Variants in EPM2A observed in about 807,000 individuals in gnomAD.
EPM2A encodes laforin.
In EPM2A, 21 loss-of-function variants were observed where a neutral mutation model predicts 26.5. The observed-to-expected ratio is 0.79, with a 90% confidence interval of 0.56 to 1.14. The LOEUF is 1.14. EPM2A is among the 50% of genes most tolerant of loss of function. EPM2A has a pLI of 0.00. For synonymous variants in EPM2A, 217 were observed against 177.6 expected, an observed-to-expected ratio of 1.22 and a Z score of -1.76; for missense variants, 458 against 440.8, an observed-to-expected ratio of 1.04 and a Z score of -0.35.
chr6:145,458,918 C>T (rs1362785219), intron 4 of EPM2A, among the ~76,000 whole-genome samples: 2 of 152,060 alleles, frequency 1.3e-5, no homozygotes, highest in Non-Finnish European at 2.9e-5. Context: ...TTGCAAAAAC[C>T]ATCAAAGTTC....
intron 3 of EPM2A, chr6:145,628,042 C>A: frequency 1.1e-5 from 3 of 268,984 alleles, no homozygotes; most frequent in Admixed American, 4.9e-5. Flanking sequence ...AGAGATTGGT[C>A]AGAATTTTAG....
At chr6:145,732,582 T>C (rs1165472605) in intron 1 of EPM2A, among the ~76,000 whole-genome samples, 1 of 152,130 alleles carries the variant, frequency 6.6e-6, no homozygotes, top group Non-Finnish European at 1.5e-5. Flanking sequence ...TTAACTCTTC[T>C]GTTAAAAAAA....
intron 1 of EPM2A, among the ~76,000 whole-genome samples, chr6:145,687,825 T>C (rs888133869): frequency 6.6e-6 from 1 of 152,126 alleles, no homozygotes; most frequent in African/African-American, 2.4e-5. Context: ...AGTCTCCTCT[T>C]TTTTCTCTTA....
chr6:145,536,494 A>G (rs1780434099), intron 2 of EPM2A, among the ~76,000 whole-genome samples: 1 of 152,120 alleles, frequency 6.6e-6, no homozygotes, highest in Admixed American at 6.5e-5. Flanking sequence ...ACGGGGTCTC[A>G]CCATGCTGGT....
chr6:145,415,673 A>G (rs1459400998), intron 4 of EPM2A, among the ~76,000 whole-genome samples: 1 of 152,204 alleles, frequency 6.6e-6, no homozygotes, highest in African/African-American at 2.4e-5. Context: ...CATTTGTGTT[A>G]CACTTTACAA....
chr6:145,682,404 C>T (rs372910075), intron 2 of EPM2A: 1 of 152,162 alleles, frequency 6.6e-6, no homozygotes, highest in African/African-American at 2.4e-5. Context: ...CGCTATTCTT[C>T]TTACCTTGAA....
chr6:145,448,280 C>T (rs959613711), intron 4 of EPM2A, among the ~76,000 whole-genome samples: 1 of 152,042 alleles, frequency 6.6e-6, no homozygotes, highest in African/African-American at 2.4e-5. Flanking sequence ...GCTCAATACT[C>T]GTGTCTTTAG....
downstream of EPM2A, among the ~76,000 whole-genome samples, chr6:145,623,406 G>T (rs1010216946): frequency 4.6e-5 from 7 of 152,160 alleles, no homozygotes; most frequent in African/African-American, 1.7e-4. Flanking sequence ...GTGCATACCT[G>T]GAGTAGCAGC....
chr6:145,587,185 TATAAC>T (rs1582877502), intron 2 of EPM2A, among the ~76,000 whole-genome samples: 1 of 152,194 alleles, frequency 6.6e-6, no homozygotes, highest in East Asian at 1.9e-4. Context: ...AATAACATAA[TATAAC>T]AGAACATAAA....
chr6:145,620,952 G>T (rs907843749), downstream of EPM2A, among the ~76,000 whole-genome samples: 1 of 152,120 alleles, frequency 6.6e-6, no homozygotes, highest in African/African-American at 2.4e-5. Flanking sequence ...TTATGGTGAG[G>T]ACACTTGTGA....
In EPM2A at chr6:145,686,196, C is replaced by T. The variant is rs35230590; in HGVS notation, c.402G>A (p.Gly134=). ...LPIGHWIEAT[G]HTNEMKHTTD... ...TTGTGTGCTTCATTTCATTGGTGTG[C>T]CCAGTGGCCTCAATCCAGTGTCCTA... The change falls in exon 2 of 4, where the codon GGG becomes GGA. Residue 134 remains glycine (G), a synonymous_variant. Transcript: ENST00000367519. 0.23 allele frequency: 363,659 copies of T among 1,612,596 alleles called. 44,761 individuals are homozygous for T. Among genetic ancestry groups the T allele is most frequent in the Admixed American group, 0.33 (20,066 of 59,936 alleles).
intron 2 of EPM2A, among the ~76,000 whole-genome samples, chr6:145,547,785 G>T (rs1449368237): frequency 6.6e-6 from 1 of 152,066 alleles, no homozygotes; most frequent in Non-Finnish European, 1.5e-5. Flanking sequence ...ACAACAAGAG[G>T]ACTCAGACCC....
At chr6:145,566,661 T>G (rs1019150264) in intron 2 of EPM2A, among the ~76,000 whole-genome samples, 2 of 152,204 alleles carry the variant, frequency 1.3e-5, no homozygotes, top group African/African-American at 4.8e-5. Flanking sequence ...ACCAACACTC[T>G]AAACAGCAAA....
chr6:145,685,976 C>G (rs1403786778), intron 2 of EPM2A, 146 bp downstream of exon 2: 1 of 711,998 alleles, frequency 1.4e-6, no homozygotes, highest in Admixed American at 2.1e-5. Flanking sequence ...CACACTGATT[C>G]ACTGTAATTT....
At chr6:145,695,367 A>G in intron 1 of EPM2A, among the ~76,000 whole-genome samples, 1 of 152,074 alleles carries the variant, frequency 6.6e-6, no homozygotes, top group East Asian at 1.9e-4. Flanking sequence ...AAAGAAAGAC[A>G]ACAAGAGGAA....
intron 4 of EPM2A, among the ~76,000 whole-genome samples, chr6:145,411,780 A>G (rs144924639): frequency 0.017 from 2,652 of 152,304 alleles, 30 homozygotes; most frequent in Middle Eastern, 0.051. Flanking sequence ...GCCTAAAACT[A>G]TTCAGTTAGT....
intron 2 of EPM2A, among the ~76,000 whole-genome samples, chr6:145,514,047 AC>A (rs1254438361): frequency 6.6e-6 from 1 of 152,166 alleles, no homozygotes; most frequent in Non-Finnish European, 1.5e-5. Context: ...AGGTTCCCAA[AC>A]CAGCTCTTAC....
intron 4 of EPM2A, among the ~76,000 whole-genome samples, chr6:145,421,706 T>C (rs1435037182): frequency 6.6e-6 from 1 of 151,858 alleles, no homozygotes; most frequent in Non-Finnish European, 1.5e-5. Context: ...CAGACTAGCT[T>C]TTAAAGAAAG....
intron 1 of EPM2A, among the ~76,000 whole-genome samples, chr6:145,709,276 C>A (rs1236024790): frequency 2.0e-5 from 3 of 152,086 alleles, no homozygotes; most frequent in Admixed American, 6.6e-5. Context: ...GGGGCCAGGG[C>A]AGAAGGATAT....
Sources: gnomAD v4.1 joint callset for allele counts (sites outside exome capture counted in the v4.1 genomes callset) on GRCh38, gnomAD v4.1.1 for gene constraint, MANE v1.5 for transcripts, NCBI Gene and HGNC (gene_info 2026-07-23, HGNC 2026-07-21) for gene names.